The following TENM2 variants were observed in gnomAD, a reference collection of about 807,000 sequenced individuals.
The protein encoded by TENM2 is teneurin transmembrane protein 2.
Under a neutral mutation model 245.2 loss-of-function variants are expected in TENM2, and 52 were observed. The ratio of observed to expected loss-of-function variants is 0.21; its 90% CI spans 0.17 to 0.27. TENM2 has a LOEUF of 0.27. Ranked by LOEUF, TENM2 falls within the 10% of genes least tolerant of loss-of-function variation. TENM2 has a pLI of 1.00. For missense variants in TENM2, 3,046 were observed against 3,666.8 expected, an observed-to-expected ratio of 0.83 and a Z score of 4.37; for synonymous variants, 1,363 against 1,438.9, an observed-to-expected ratio of 0.95 and a Z score of 1.19.
At chr5:167,580,937 G>A (rs966111661) in intron 2 of TENM2, among the ~76,000 whole-genome samples, 1 of 152,124 alleles carries the variant, frequency 6.6e-6, no homozygotes, top group Non-Finnish European at 1.5e-5. Flanking sequence ...TGTAGTGAGC[G>A]GAGATCGTGC....
the TENM2 span, among the ~76,000 whole-genome samples, chr5:167,265,112 C>T: frequency 2.6e-5 from 4 of 151,484 alleles, no homozygotes; most frequent in Middle Eastern, 3.4e-3. Context: ...TGGATCATGA[C>T]GTCAGGAGTT....
At chr5:167,265,331 C>CAAAAAAAAA in the TENM2 span, among the ~76,000 whole-genome samples, 9 of 39,400 alleles carry the variant, frequency 2.3e-4, no homozygotes, top group African/African-American at 6.4e-4. Context: ...GACTCTGTCT[C>CAAAAAAAAA]AAAAAAAAAA....
chr5:167,255,204 A>G, the TENM2 span, among the ~76,000 whole-genome samples: 2 of 152,042 alleles, frequency 1.3e-5, no homozygotes, highest in African/African-American at 4.8e-5. Flanking sequence ...AGAATCATAA[A>G]AAGAATTTTA....
intron 5 of TENM2, among the ~76,000 whole-genome samples, chr5:168,033,471 A>G (rs963321252): frequency 6.6e-6 from 1 of 152,128 alleles, no homozygotes; most frequent in Non-Finnish European, 1.5e-5. Flanking sequence ...TTAATGATCA[A>G]TGAGAAATGT....
intron 13 of TENM2, chr5:168,187,119 A>C (rs1183141677): frequency 6.6e-6 from 1 of 152,194 alleles, no homozygotes; most frequent in Non-Finnish European, 1.5e-5. Flanking sequence ...GTAGGAGGAA[A>C]TCATTTGTAT....
At chr5:167,340,539 G>T (rs1330958824) in intron 1 of TENM2, among the ~76,000 whole-genome samples, 2 of 152,110 alleles carry the variant, frequency 1.3e-5, no homozygotes, top group Non-Finnish European at 2.9e-5. Flanking sequence ...CTTCTTGTAA[G>T]GGCACCCTTC....
chr5:167,959,188 C>CTTTT (rs71593155), intron 4 of TENM2, among the ~76,000 whole-genome samples: 5 of 138,226 alleles, frequency 3.6e-5, no homozygotes, highest in Non-Finnish European at 3.1e-5. Context: ...CCTTTTCATT[C>CTTTT]TTTTTTTTTT....
At chr5:168,107,003 T>C (rs544007732) in intron 9 of TENM2, among the ~76,000 whole-genome samples, 1 of 152,168 alleles carries the variant, frequency 6.6e-6, no homozygotes, top group South Asian at 2.1e-4. Context: ...GAGGTTGCAA[T>C]GAGCAGAGAT....
chr5:167,250,871 C>T, the TENM2 span, among the ~76,000 whole-genome samples: 5 of 152,096 alleles, frequency 3.3e-5, no homozygotes, highest in African/African-American at 1.2e-4. Context: ...ATGTAAATGT[C>T]AATGTATTTC....
chr5:167,991,772 T>A (rs1279073814), intron 4 of TENM2, among the ~76,000 whole-genome samples: 1 of 152,190 alleles, frequency 6.6e-6, no homozygotes, highest in Non-Finnish European at 1.5e-5. Context: ...AGAACAGGAA[T>A]CAGGATTTCA....
At chr5:167,873,313 G>A (rs906587996) in intron 2 of TENM2, among the ~76,000 whole-genome samples, 8 of 152,220 alleles carry the variant, frequency 5.3e-5, no homozygotes, top group African/African-American at 1.2e-4. Flanking sequence ...AGATGGGAAC[G>A]CAGAAACGTG....
intron 12 of TENM2, among the ~76,000 whole-genome samples, chr5:168,135,595 A>G (rs934506840): frequency 2.6e-5 from 4 of 152,222 alleles, no homozygotes; most frequent in Admixed American, 2.0e-4. Flanking sequence ...AATGGGTAAT[A>G]AAGAACCCAC....
chr5:167,899,845 C>T (rs1016369247), intron 3 of TENM2, among the ~76,000 whole-genome samples: 3 of 152,092 alleles, frequency 2.0e-5, no homozygotes, highest in Non-Finnish European at 4.4e-5. Flanking sequence ...AGCGAAAGAA[C>T]GGCATCCGAC....
chr5:167,522,686 G>A (rs974184722), intron 2 of TENM2, among the ~76,000 whole-genome samples: 1 of 152,016 alleles, frequency 6.6e-6, no homozygotes, highest in African/African-American at 2.4e-5. Context: ...GGAAAAATGA[G>A]TGAATCTCAA....
In TENM2 at chr5:167,679,319, A is replaced by C. The variant is rs1308848608; in HGVS notation, c.503-196667A>C. On this transcript the variant is annotated intron_variant, in intron 2 of 28. Transcript: ENST00000518659. Reference sequence around the variant, plus strand: ...TTCCATATTCATATGGTAAAATTCAAATGATAAAAATAAAGTAGGTAATTC... The same window carrying C: ...TTCCATATTCATATGGTAAAATTCACATGATAAAAATAAAGTAGGTAATTC... Among the ~76,000 whole-genome samples the C allele has an allele frequency of 2.0e-5, 3 of 152,178 alleles. No individual in the cohort carries two copies. In the East Asian group the frequency reaches 5.8e-4, roughly 29 times the overall value.
chr5:167,367,070 G>A (rs1384772549), intron 1 of TENM2, among the ~76,000 whole-genome samples: 1 of 152,004 alleles, frequency 6.6e-6, no homozygotes, highest in Non-Finnish European at 1.5e-5. Context: ...GATTGGAATG[G>A]GAAAATGCCA....
chr5:167,021,073 G>A, the TENM2 span, among the ~76,000 whole-genome samples: 268 of 152,324 alleles, frequency 1.8e-3, no homozygotes, highest in Non-Finnish European at 2.9e-3. Flanking sequence ...CAACCCAGGA[G>A]GGGGAGGTTG....
intron 2 of TENM2, among the ~76,000 whole-genome samples, chr5:167,751,386 A>G (rs1189038159): frequency 6.6e-6 from 1 of 152,222 alleles, no homozygotes; most frequent in East Asian, 1.9e-4. Flanking sequence ...AGGTTGTCAC[A>G]CTGCAAGATG....
the TENM2 span, among the ~76,000 whole-genome samples, chr5:167,248,053 G>A: frequency 3.3e-5 from 5 of 152,094 alleles, no homozygotes; most frequent in East Asian, 5.8e-4. Flanking sequence ...AGCATGCAGA[G>A]GGAGCTCTAA....
Sources: allele counts gnomAD v4.1 joint callset (sites outside exome capture counted in the v4.1 genomes callset), GRCh38; gene constraint gnomAD v4.1.1; transcripts MANE v1.5; gene names NCBI Gene and HGNC (gene_info 2026-07-23, HGNC 2026-07-21).